The following DPH6 variants were observed in gnomAD, a reference collection of about 807,000 sequenced individuals.
DPH6 encodes diphthamine biosynthesis 6, also known as diphthine--ammonia ligase.
A neutral mutation model predicts 38.2 loss-of-function variants in DPH6; 33 were observed. The ratio of observed to expected loss-of-function variants is 0.86; its 90% CI spans 0.65 to 1.15. The LOEUF (loss-of-function observed/expected upper bound fraction) is 1.15. Among genes scored for constraint, DPH6 ranks in the 50% most tolerant of loss-of-function variants. DPH6 has a pLI of 0.00. For missense variants in DPH6, 325 were observed against 320.0 expected, an observed-to-expected ratio of 1.02 and a Z score of -0.12; for synonymous variants, 108 against 103.0, an observed-to-expected ratio of 1.05 and a Z score of -0.30.
chr15:35,265,402 G>A (rs2051776985), intron 3 of DPH6, among the ~76,000 whole-genome samples: 1 of 152,144 alleles, frequency 6.6e-6, no homozygotes, highest in African/African-American at 2.4e-5. Flanking sequence ...TCCACATGAT[G>A]TCTAAGTGTA....
At chr15:35,247,060 A>C (rs921583127) in intron 3 of DPH6, among the ~76,000 whole-genome samples, 2 of 152,338 alleles carry the variant, frequency 1.3e-5, no homozygotes, top group Middle Eastern at 3.4e-3. Flanking sequence ...CATTTGCCTC[A>C]ATTAAGGAAT....
At chr15:35,439,050 G>A (rs2053752128) in intron 5 of DPH6, among the ~76,000 whole-genome samples, 2 of 152,160 alleles carry the variant, frequency 1.3e-5, no homozygotes, top group Non-Finnish European at 2.9e-5. Context: ...GTACTAATCT[G>A]CTTTTTAGCA....
intron 3 of DPH6, among the ~76,000 whole-genome samples, chr15:35,345,099 G>A (rs1235033577): frequency 6.6e-6 from 1 of 151,828 alleles, no homozygotes; most frequent in Non-Finnish European, 1.5e-5. Context: ...TTTTATAGAT[G>A]AGTGAACTAA....
chr15:35,361,896 C>T (rs188729792), intron 3 of DPH6, among the ~76,000 whole-genome samples: 7 of 151,692 alleles, frequency 4.6e-5, no homozygotes, highest in Non-Finnish European at 1.0e-4. Context: ...GTAATGATTA[C>T]TTTGAATTCT....
the DPH6 span, among the ~76,000 whole-genome samples, chr15:35,172,261 T>C: frequency 3.3e-5 from 5 of 152,264 alleles, no homozygotes; most frequent in Non-Finnish European, 5.9e-5. Context: ...CAGCCACCTA[T>C]GTGGACAATC....
chr15:35,297,830 C>T (rs1226310871), intron 3 of DPH6, among the ~76,000 whole-genome samples: 1 of 150,892 alleles, frequency 6.6e-6, no homozygotes, highest in Non-Finnish European at 1.5e-5. Context: ...CACTAACAAA[C>T]CCTCTCCTTC....
chr15:35,467,978 G>A (rs1313115218), intron 3 of DPH6, among the ~76,000 whole-genome samples: 1 of 152,156 alleles, frequency 6.6e-6, no homozygotes, highest in Non-Finnish European at 1.5e-5. Flanking sequence ...CGTATACATG[G>A]TCCTTTGTTA....
At chr15:35,161,786 C>A in the DPH6 span, among the ~76,000 whole-genome samples, 1 of 152,002 alleles carries the variant, frequency 6.6e-6, no homozygotes, top group Middle Eastern at 3.4e-3. Flanking sequence ...CAACAGGAAG[C>A]AAATCAACTA....
At chr15:35,284,569 T>C (rs868579199) in intron 3 of DPH6, among the ~76,000 whole-genome samples, 7 of 150,686 alleles carry the variant, frequency 4.6e-5, no homozygotes, top group African/African-American at 7.3e-5. Flanking sequence ...ATAAATTATA[T>C]ATATAATAAA....
At chr15:35,285,030 C>T (rs909599914) in intron 3 of DPH6, among the ~76,000 whole-genome samples, 1 of 151,642 alleles carries the variant, frequency 6.6e-6, no homozygotes, top group African/African-American at 2.4e-5. Context: ...GGGTGGTCTC[C>T]AACTTCTGGG....
At chr15:35,441,302 A>T (rs916976122) in intron 5 of DPH6, among the ~76,000 whole-genome samples, 6 of 152,158 alleles carry the variant, frequency 3.9e-5, no homozygotes, top group African/African-American at 1.4e-4. Flanking sequence ...CAGCAATCCC[A>T]TTACTAGGTA....
At chr15:35,449,085 G>A (rs1454208218) in intron 5 of DPH6, among the ~76,000 whole-genome samples, 1 of 149,820 alleles carries the variant, frequency 6.7e-6, no homozygotes, top group Non-Finnish European at 1.5e-5. Context: ...AAAAGGCTTA[G>A]CAACCTATAT....
At position 35,275,866 on chromosome 15, in the gene DPH6, A is replaced by C. The variant is rs576315026; in HGVS notation, n.201-55284T>G. Among the ~76,000 whole-genome samples, 23 of 152,290 alleles carry C rather than the reference A, an allele frequency of 1.5e-4. No individual in the cohort carries two copies. The South Asian group carries it at 3.3e-3, about 22-fold the overall frequency. ...CTTGTTGATTGATGGCCATTGGATT[A>C]GTTTCACATTTTTGCAATTGTGAAT... On this transcript the variant is annotated intron_variant and non_coding_transcript_variant, in intron 3 of 3. Transcript: ENST00000560386.
At chr15:35,177,541 G>A in the DPH6 span, among the ~76,000 whole-genome samples, 46 of 133,956 alleles carry the variant, frequency 3.4e-4, no homozygotes, top group Middle Eastern at 4.7e-3. Flanking sequence ...ACCTATGATT[G>A]CACTTGCACT....
intron 5 of DPH6, 78 bp from the exon 6 acceptor site, chr15:35,410,974 C>G: frequency 7.9e-7 from 1 of 1,259,094 alleles, no homozygotes. Flanking sequence ...CCCTTGGCCC[C>G]TCCTCACCTA....
At chr15:35,314,962 ATTGT>A (rs2052175973) in intron 3 of DPH6, among the ~76,000 whole-genome samples, 1 of 152,110 alleles carries the variant, frequency 6.6e-6, no homozygotes, top group Non-Finnish European at 1.5e-5. Context: ...GGTCACGGTC[ATTGT>A]TTGGTGGTCT....
At chr15:35,384,991 T>C (rs1426471176) in intron 6 of DPH6, among the ~76,000 whole-genome samples, 1 of 152,152 alleles carries the variant, frequency 6.6e-6, no homozygotes, top group African/African-American at 2.4e-5. Flanking sequence ...AGAAGACATT[T>C]ATGCGGCCAA....
chr15:35,453,136 C>T (rs1483304267), intron 4 of DPH6, among the ~76,000 whole-genome samples: 1 of 152,184 alleles, frequency 6.6e-6, no homozygotes, highest in African/African-American at 2.4e-5. Context: ...CTCCCAGTAA[C>T]ATTACTTTTG....
chr15:35,305,191 T>C (rs1314042693), intron 3 of DPH6, among the ~76,000 whole-genome samples: 1 of 152,170 alleles, frequency 6.6e-6, no homozygotes, highest in East Asian at 1.9e-4. Context: ...TTGGTTCTAC[T>C]ATAGATGATG....
Sources: gnomAD v4.1 joint callset for allele counts (sites outside exome capture counted in the v4.1 genomes callset) on GRCh38, gnomAD v4.1.1 for gene constraint, MANE v1.5 for transcripts, NCBI Gene and HGNC (gene_info 2026-07-23, HGNC 2026-07-21) for gene names.